CCDC40: variants seen among roughly 807,000 people sequenced by gnomAD.
CCDC40 encodes coiled-coil domain-containing protein 40.
A neutral mutation model predicts 124.5 loss-of-function variants in CCDC40; 104 were observed. That is an observed-to-expected ratio of 0.84 (90% confidence interval 0.71 to 0.98). The LOEUF is 0.98. Among genes scored for constraint, CCDC40 ranks in the 50% least tolerant of loss-of-function variants. The pLI, the probability that CCDC40 is intolerant of heterozygous loss-of-function variation, is 0.00. For missense variants in CCDC40, 1,463 were observed against 1,503.9 expected, an observed-to-expected ratio of 0.97 and a Z score of 0.45; for synonymous variants, 580 against 602.9, an observed-to-expected ratio of 0.96 and a Z score of 0.56.
chr17:80,038,892 T>C (rs2037199940), intron 2 of CCDC40, among the ~76,000 whole-genome samples: 1 of 152,176 alleles, frequency 6.6e-6, no homozygotes, highest in South Asian at 2.1e-4. Context: ...TCAAGTATAT[T>C]GTATGATGAC....
intron 3 of CCDC40, among the ~76,000 whole-genome samples, chr17:80,042,933 G>A (rs1598479105): frequency 6.6e-6 from 1 of 151,826 alleles, no homozygotes; most frequent in East Asian, 1.9e-4. Context: ...TAAGAAGACT[G>A]TATTTTCCTT....
chr17:80,052,021 A>G (rs1387603464), intron 7 of CCDC40, among the ~76,000 whole-genome samples: 1 of 152,222 alleles, frequency 6.6e-6, no homozygotes, highest in Non-Finnish European at 1.5e-5. Flanking sequence ...AGAACTGAAG[A>G]ATTTGGGCAA....
At chr17:80,084,697 C>G (rs756705198) in intron 12 of CCDC40, 46 bp from the exon 13 acceptor site, 17 of 1,611,320 alleles carry the variant, frequency 1.1e-5, no homozygotes, top group Non-Finnish European at 1.3e-5. Context: ...CGTCCCGGGC[C>G]TTGGGTGGGG....
Position 80,039,900 on chromosome 17 carries a change from A to G in CCDC40, c.182A>G (p.Glu61Gly). The G allele has an allele frequency of 6.2e-7, 1 of 1,613,902 alleles. No individual in the cohort carries two copies. The highest frequency in any genetic ancestry group is 8.5e-7 in the Non-Finnish European group (1 of 1,179,902). Residue 61 changes from glutamate to glycine, a missense_variant, in exon 3 of 20, where the codon GAA becomes GGA. By Grantham distance (98) the Glu-to-Gly change is moderately conservative. Coordinates refer to ENST00000397545, the MANE Select transcript of CCDC40 (RefSeq NM_017950.4). ...EHPEEVTTQA[E>G]AAIEEGEVET... ...CCTGAGGAAGTCACAACCCAAGCGG[A>G]AGCTGCAATTGAAGAGGGGGAGGTG...
chr17:80,050,142 C>A lies in CCDC40; in HGVS notation c.1018C>A (p.His340Asn). 1 of 1,613,718 alleles carries A rather than the reference C, an allele frequency of 6.2e-7. No homozygotes were observed. The highest frequency in any genetic ancestry group is 8.5e-7 in the Non-Finnish European group (1 of 1,179,928). The change falls in exon 7 of 20, where the codon CAC becomes AAC. Residue 340 changes from histidine to asparagine, a missense_variant. Physicochemically the swap from His to Asn is moderately conservative, Grantham distance 68. Coordinates refer to ENST00000397545, the MANE Select transcript of CCDC40 (RefSeq NM_017950.4). ...CTATGAGGTGCAGCAGCACCTGGTA[C>A]ACCTGCAGAAGCTGCTGGAGAAGAG... is the stretch of plus-strand genomic sequence containing the variant. ...NLYEVQQHLV[H>N]LQKLLEKSHD...
At chr17:80,048,536 G>T (rs1240497761) in intron 4 of CCDC40, 47 bp from the exon 5 acceptor site, 1 of 1,500,644 alleles carries the variant, frequency 6.7e-7, no homozygotes, top group African/African-American at 1.4e-5. Context: ...AATCACTGAG[G>T]CTTCTCTCCA....
intron 3 of CCDC40, 54 bp downstream of exon 3, chr17:80,040,324 G>T: frequency 1.3e-6 from 2 of 1,501,444 alleles, no homozygotes; most frequent in South Asian, 2.3e-5. Flanking sequence ...CACGGGGTTT[G>T]TCACCCTATG....
chr17:80,049,113 G>A (rs2143612724), intron 5 of CCDC40, among the ~76,000 whole-genome samples: 1 of 152,218 alleles, frequency 6.6e-6, no homozygotes, highest in South Asian at 2.1e-4. Context: ...AATGTCTCCA[G>A]GCTGGACGTG....
At chr17:80,050,439 T>C (rs2037555447) in intron 7 of CCDC40, among the ~76,000 whole-genome samples, 156 bp downstream of exon 7, 1 of 152,060 alleles carries the variant, frequency 6.6e-6, no homozygotes, top group Admixed American at 6.5e-5. Flanking sequence ...ATAAATCAAA[T>C]GTCTTTTTGT....
intron 4 of CCDC40, among the ~76,000 whole-genome samples, chr17:80,047,996 C>T (rs1283132276): frequency 1.3e-5 from 2 of 152,218 alleles, no homozygotes; most frequent in African/African-American, 4.8e-5. Flanking sequence ...ACAAGCCGGG[C>T]GCGGTGGCTC....
chr17:80,080,721 G>C (rs1355780323), intron 10 of CCDC40, among the ~76,000 whole-genome samples: 1 of 152,142 alleles, frequency 6.6e-6, no homozygotes, highest in Admixed American at 6.6e-5. Context: ...CATAATCACA[G>C]TACAAAAGAG....
At chr17:80,089,677 G>GACTC in intron 16 of CCDC40, 87 bp from the exon 17 acceptor site, 1 of 1,528,352 alleles carries the variant, frequency 6.5e-7, no homozygotes, top group Non-Finnish European at 9.1e-7. Flanking sequence ...TGCAGCTTGA[G>GACTC]AGCCTTGTAA....
intron 10 of CCDC40, chr17:80,081,300 G>A (rs932116075): frequency 1.6e-5 from 4 of 253,428 alleles, no homozygotes; most frequent in African/African-American, 6.9e-5. Context: ...CATGAGACTC[G>A]CTTGAACCCG....
chr17:80,056,000 A>ATTTTTTTTTT (rs1285051283), intron 7 of CCDC40, among the ~76,000 whole-genome samples: 3 of 7,572 alleles, frequency 4.0e-4, no homozygotes, highest in Non-Finnish European at 9.4e-4. Context: ...ATATATATAT[A>ATTTTTTTTTT]TATATATATA....
At chr17:80,075,862 C>T (rs1239062131) in intron 10 of CCDC40, among the ~76,000 whole-genome samples, 2 of 152,156 alleles carry the variant, frequency 1.3e-5, no homozygotes, top group African/African-American at 4.8e-5. Flanking sequence ...ATTGTAACGC[C>T]TGTGGATGGC....
At chr17:80,072,263 G>A (rs183546547) in intron 10 of CCDC40, among the ~76,000 whole-genome samples, 217 of 152,140 alleles carry the variant, frequency 1.4e-3, no homozygotes, top group Non-Finnish European at 1.9e-3. Flanking sequence ...TTTAAAGTAC[G>A]ATTTAAAAAA....
intron 17 of CCDC40, among the ~76,000 whole-genome samples, chr17:80,091,302 TACACACACACACACACAC>T (rs71163919): frequency 2.1e-4 from 29 of 139,622 alleles, no homozygotes; most frequent in East Asian, 1.0e-3. Context: ...ACCAGTAGAC[TACACACACACACACACAC>T]ACACACACAC....
intron 17 of CCDC40, among the ~76,000 whole-genome samples, chr17:80,092,365 A>G (rs183538946): frequency 6.6e-6 from 1 of 151,990 alleles, no homozygotes; most frequent in African/African-American, 2.4e-5. Context: ...GAGACGTACA[A>G]TCATGTAGCC....
Position 80,087,583 on chromosome 17 carries a change from C to T in CCDC40, c.2450-24C>T, listed in dbSNP as rs2038613544. 6.2e-7 allele frequency: 1 copy of T among 1,612,168 alleles called. No homozygotes were observed. Among genetic ancestry groups the T allele is most frequent in the Non-Finnish European group, 8.5e-7 (1 of 1,178,348 alleles). On this transcript the variant is annotated intron_variant, in intron 14 of 19. Coordinates refer to ENST00000397545, the MANE Select transcript of CCDC40 (RefSeq NM_017950.4). This position sits in a 1 kb window ranked among gnomAD's most constrained non-coding sequence, Gnocchi z 4.5. Reference sequence around the variant, plus strand: ...ACCCGTACCCTCCTGGGGTCTCTCCCTGAGTCTCTGTTTTCTGCCATAGGC... The same window carrying T: ...ACCCGTACCCTCCTGGGGTCTCTCCTTGAGTCTCTGTTTTCTGCCATAGGC...
Sources: gnomAD v4.1 joint callset for allele counts (sites outside exome capture counted in the v4.1 genomes callset) on GRCh38, gnomAD v4.1.1 for gene constraint, Gnocchi (gnomAD v3.1) non-coding constraint, MANE v1.5 for transcripts, NCBI Gene and HGNC (gene_info 2026-07-23, HGNC 2026-07-21) for gene names.